Variants in LAMC1 observed in about 807,000 individuals in gnomAD.
The protein encoded by LAMC1 is laminin subunit gamma 1.
In LAMC1, 38 loss-of-function variants were observed where a neutral mutation model predicts 173.6. The observed-to-expected ratio is 0.22, with a 90% confidence interval of 0.17 to 0.29. The LOEUF is 0.29. Ranked by LOEUF, LAMC1 falls within the 10% of genes least tolerant of loss-of-function variation. The probability of loss-of-function intolerance (pLI) is 1.00; values close to 1 mark genes in which losing one functional copy is unlikely to be tolerated. For synonymous variants in LAMC1, 746 were observed against 749.1 expected (o/e 1.00, Z 0.07); for missense variants, 1,824 against 2,051.8 (o/e 0.89, Z 2.14).
intron 3 of LAMC1, among the ~76,000 whole-genome samples, 190 bp from the exon 4 acceptor site, chr1:183,110,298 T>G (rs547070178): frequency 6.6e-6 from 1 of 152,230 alleles, no homozygotes; most frequent in Non-Finnish European, 1.5e-5. Context: ...CCTACCCCTG[T>G]TAAGTAAAGC....
At chr1:183,041,386 C>T (rs1654128387) in intron 1 of LAMC1, among the ~76,000 whole-genome samples, 1 of 152,152 alleles carries the variant, frequency 6.6e-6, no homozygotes, top group South Asian at 2.1e-4. Context: ...ATCTTTAAAA[C>T]TCCTGACAAA....
chr1:183,134,443 A>G (rs1238454836), intron 22 of LAMC1, among the ~76,000 whole-genome samples: 1 of 152,200 alleles, frequency 6.6e-6, no homozygotes, highest in Non-Finnish European at 1.5e-5. Flanking sequence ...TTATGCAGAA[A>G]TGCATTTGTC....
chr1:183,083,873 A>G (rs1655353767), intron 1 of LAMC1, among the ~76,000 whole-genome samples: 1 of 152,144 alleles, frequency 6.6e-6, no homozygotes, highest in Non-Finnish European at 1.5e-5. Context: ...ATTAATTTTC[A>G]TGAATAAATT....
At chr1:183,127,663 C>G (rs1475730230) in intron 17 of LAMC1, among the ~76,000 whole-genome samples, 1 of 152,168 alleles carries the variant, frequency 6.6e-6, no homozygotes, top group African/African-American at 2.4e-5. Flanking sequence ...CAGAATTCAT[C>G]TAAGGTGAGA....
intron 1 of LAMC1, among the ~76,000 whole-genome samples, chr1:183,060,882 G>C (rs1654730143): frequency 6.6e-6 from 1 of 152,202 alleles, no homozygotes; most frequent in Admixed American, 6.5e-5. Context: ...TTGAGAAGTA[G>C]GTTTGTGTAA....
intron 1 of LAMC1, among the ~76,000 whole-genome samples, chr1:183,060,143 C>T (rs530795466): frequency 1.6e-4 from 25 of 152,224 alleles, no homozygotes; most frequent in African/African-American, 5.5e-4. Context: ...TAGAAATCAC[C>T]CTTGGCCCCT....
At chr1:183,064,295 C>T (rs1458255031) in intron 1 of LAMC1, among the ~76,000 whole-genome samples, 4 of 152,112 alleles carry the variant, frequency 2.6e-5, no homozygotes, top group African/African-American at 4.8e-5. Flanking sequence ...AGACAAACTT[C>T]GATGGTATGG....
chr1:183,084,260 G>A (rs553923413), intron 1 of LAMC1, among the ~76,000 whole-genome samples: 1 of 151,992 alleles, frequency 6.6e-6, no homozygotes, highest in Non-Finnish European at 1.5e-5. Context: ...GGAGAATGGC[G>A]TGAACCCGGG....
intron 6 of LAMC1, among the ~76,000 whole-genome samples, chr1:183,115,869 T>G (rs1285539987): frequency 6.6e-6 from 1 of 152,016 alleles, no homozygotes; most frequent in Non-Finnish European, 1.5e-5. Context: ...AAAAATGACT[T>G]TAGGCTCACA....
At chr1:183,097,117 G>C (rs1409629416) in intron 1 of LAMC1, among the ~76,000 whole-genome samples, 1 of 152,176 alleles carries the variant, frequency 6.6e-6, no homozygotes, top group Admixed American at 6.5e-5. Flanking sequence ...ATAACAGCTG[G>C]TTTGCAGCTG....
intron 25 of LAMC1, among the ~76,000 whole-genome samples, chr1:183,137,203 T>C (rs1266345941): frequency 6.6e-6 from 1 of 152,240 alleles, no homozygotes; most frequent in African/African-American, 2.4e-5. Context: ...TTTGGATTAA[T>C]TATATTTTAT....
intron 1 of LAMC1, among the ~76,000 whole-genome samples, chr1:183,095,137 G>A (rs146045779): frequency 3.2e-4 from 48 of 152,186 alleles, no homozygotes; most frequent in Admixed American, 5.2e-4. Flanking sequence ...GAGCCACCGC[G>A]CCCGGTGGAT....
chr1:183,116,023 G>A (rs1012235527), intron 6 of LAMC1, among the ~76,000 whole-genome samples: 46 of 151,556 alleles, frequency 3.0e-4, no homozygotes, highest in Middle Eastern at 6.9e-3. Context: ...CCAGCTACTC[G>A]GGAGGCTGAG....
intron 1 of LAMC1, among the ~76,000 whole-genome samples, chr1:183,092,815 C>T (rs939671122): frequency 6.6e-6 from 1 of 152,176 alleles, no homozygotes; most frequent in Non-Finnish European, 1.5e-5. Context: ...TAGACCCACT[C>T]CAATCCACTC....
chr1:183,094,205 G>A (rs953889206), intron 1 of LAMC1, among the ~76,000 whole-genome samples: 1 of 152,058 alleles, frequency 6.6e-6, no homozygotes, highest in African/African-American at 2.4e-5. Flanking sequence ...CCTGCCTCAG[G>A]GTATTGCACT....
At chr1:183,130,888 C>G (rs1181821145) in intron 19 of LAMC1, among the ~76,000 whole-genome samples, 1 of 152,034 alleles carries the variant, frequency 6.6e-6, no homozygotes, top group African/African-American at 2.4e-5. Flanking sequence ...AAGAGGTATT[C>G]TTGGGGCCAG....
At chr1:183,076,182 C>T (rs752646192) in intron 1 of LAMC1, among the ~76,000 whole-genome samples, 1 of 152,162 alleles carries the variant, frequency 6.6e-6, no homozygotes, top group Non-Finnish European at 1.5e-5. Context: ...AAACCTGTAA[C>T]TATGCCTCCA....
intron 1 of LAMC1, among the ~76,000 whole-genome samples, chr1:183,054,104 C>T (rs1026234057): frequency 2.6e-5 from 4 of 152,190 alleles, no homozygotes; most frequent in Non-Finnish European, 4.4e-5. Flanking sequence ...TCTGCCACCT[C>T]CAATTTCATT....
At chr1:183,041,409 C>T (rs1243958309) in intron 1 of LAMC1, among the ~76,000 whole-genome samples, 3 of 152,174 alleles carry the variant, frequency 2.0e-5, no homozygotes, top group African/African-American at 4.8e-5. Context: ...TCAACTCCTC[C>T]AAGAAGATTT....
Sources: allele counts gnomAD v4.1 joint callset (sites outside exome capture counted in the v4.1 genomes callset), GRCh38; gene constraint gnomAD v4.1.1; transcripts MANE v1.5; gene names NCBI Gene and HGNC (gene_info 2026-07-23, HGNC 2026-07-21).